Variants in SYN3 observed in about 807,000 individuals in gnomAD.
SYN3 encodes synapsin-3.
A neutral mutation model predicts 65.8 loss-of-function variants in SYN3; 35 were observed. That is an observed-to-expected ratio of 0.53 (90% CI 0.41 to 0.70). The LOEUF (loss-of-function observed/expected upper bound fraction) is 0.70. Ranked by LOEUF, SYN3 falls within the 30% of genes least tolerant of loss-of-function variation. SYN3 has a pLI of 0.00. For missense variants in SYN3, 680 were observed against 749.0 expected, an observed-to-expected ratio of 0.91 and a Z score of 1.08; for synonymous variants, 270 against 292.9, an observed-to-expected ratio of 0.92 and a Z score of 0.80.
At chr22:32,980,557 A>G in intron 3 of SYN3, 88 bp downstream of exon 3, 2 of 1,237,930 alleles carry the variant, frequency 1.6e-6, no homozygotes, top group South Asian at 1.2e-5. Flanking sequence ...TTATGACCAC[A>G]TAAGATGGGG....
intron 6 of SYN3, among the ~76,000 whole-genome samples, chr22:32,850,603 C>G (rs1417932929): frequency 1.3e-5 from 2 of 152,098 alleles, no homozygotes; most frequent in African/African-American, 4.8e-5. Context: ...GAACTAGAGT[C>G]AGGTTGGGAG....
chr22:32,802,477 G>C (rs1307293531), intron 6 of SYN3, among the ~76,000 whole-genome samples: 1 of 151,432 alleles, frequency 6.6e-6, no homozygotes, highest in Non-Finnish European at 1.5e-5. Context: ...CCAAAACTTG[G>C]AATGCTAACT....
intron 7 of SYN3, among the ~76,000 whole-genome samples, chr22:32,551,527 GAA>G (rs11398828): frequency 8.2e-5 from 12 of 146,234 alleles, no homozygotes; most frequent in Admixed American, 1.4e-4. Context: ...AAATGACAAG[GAA>G]AAAAAAAAAA....
intron 1 of SYN3, among the ~76,000 whole-genome samples, chr22:33,038,241 G>A (rs2053894663): frequency 6.6e-6 from 1 of 152,226 alleles, no homozygotes; most frequent in South Asian, 2.1e-4. Flanking sequence ...GCACGCCATA[G>A]GCAGAGGGAA....
chr22:32,533,202 T>C (rs2058106813), intron 10 of SYN3, among the ~76,000 whole-genome samples: 1 of 151,822 alleles, frequency 6.6e-6, no homozygotes, highest in African/African-American at 2.4e-5. Context: ...TCTGTTACCA[T>C]TCTGTTTCCC....
chr22:32,513,596 A>G lies in SYN3; in HGVS notation c.*96T>C. On this transcript the variant is annotated 3_prime_UTR_variant, in exon 14 of 14. Coordinates refer to ENST00000358763, the MANE Select transcript of SYN3 (RefSeq NM_003490.4). ...TAGAAAGTATGTTCTCAGGCCCTCCATTCTGTTCCCATCAGGAACCAAGGC... is the reference window on the plus strand; with the variant it reads ...TAGAAAGTATGTTCTCAGGCCCTCCGTTCTGTTCCCATCAGGAACCAAGGC... The G allele has an allele frequency of 6.7e-7, 1 of 1,499,174 alleles. No homozygotes were observed. The highest frequency in any genetic ancestry group is 9.1e-7 in the Non-Finnish European group (1 of 1,100,770). 92.9% of individuals were successfully genotyped at this position (1,499,174 alleles called of 1,614,324 possible).
chr22:33,019,564 C>T lies in SYN3; in HGVS notation c.-162-12740G>A, dbSNP rs185909239. 2.6e-5 allele frequency among the ~76,000 whole-genome samples: 4 copies of T among 152,316 alleles called. No homozygotes were observed. The East Asian group carries it at 7.7e-4, about 29-fold the overall frequency. ...ACACTGAATGAGATAACTGATGTGA[C>T]ACAGTGCAAGGCCTGACATGTCAGG... is the stretch of plus-strand genomic sequence containing the variant. On this transcript the variant is annotated intron_variant, in intron 1 of 13. Transcript: ENST00000358763.
intron 6 of SYN3, among the ~76,000 whole-genome samples, chr22:32,609,617 C>A (rs550022471): frequency 6.7e-6 from 1 of 150,266 alleles, no homozygotes; most frequent in South Asian, 2.1e-4. Context: ...ACTGGGACTA[C>A]AAGCGTGTGC....
At position 32,801,803 on chromosome 22, in the gene SYN3, T is replaced by TCGCCGCCCGCCGAGG; in HGVS notation, c.711+63111_711+63112insCCTCGGCGGGCGGCG. ...CTTCGCCGGGAGGCCGCCCGCCGAG[T>TCGCCGCCCGCCGAGG]CCTGCGCCAGCGCCGAGGCAGCCTC... is the stretch of plus-strand genomic sequence containing the variant. On this transcript the variant is annotated intron_variant, in intron 6 of 13. Transcript: ENST00000358763. The surrounding 1 kb of genome is among the most constrained non-coding windows in gnomAD (Gnocchi z 4.7). The TCGCCGCCCGCCGAGG allele has an allele frequency of 2.1e-6, 1 of 483,100 alleles. No homozygotes were observed. The highest frequency in any genetic ancestry group is 3.0e-6 in the Non-Finnish European group (1 of 335,912). The allele number at this position is 483,100 out of a possible 1,614,324, so 29.9% of individuals were successfully genotyped here.
At chr22:32,514,618 G>A (rs897441825) in intron 13 of SYN3, 10 of 152,276 alleles carry the variant, frequency 6.6e-5, no homozygotes, top group Non-Finnish European at 1.5e-4. Context: ...CCCTGCCTCA[G>A]GAGGCTCAGT....
At chr22:32,590,116 G>T (rs1039530718) in intron 7 of SYN3, among the ~76,000 whole-genome samples, 4 of 152,114 alleles carry the variant, frequency 2.6e-5, no homozygotes, top group Non-Finnish European at 1.5e-5. Flanking sequence ...CTAGAACTTT[G>T]CCCACTTCTG....
chr22:32,710,842 T>A (rs554881544), intron 6 of SYN3, among the ~76,000 whole-genome samples: 8 of 152,160 alleles, frequency 5.3e-5, no homozygotes, highest in African/African-American at 1.9e-4. Flanking sequence ...TTAAACCTCT[T>A]TTCTTTATAA....
intron 6 of SYN3, among the ~76,000 whole-genome samples, chr22:32,698,730 T>C (rs939259731): frequency 1.3e-5 from 2 of 152,210 alleles, no homozygotes; most frequent in Admixed American, 1.3e-4. Flanking sequence ...GAAATACACA[T>C]TGTTATTGAA....
chr22:32,711,098 GT>G lies in SYN3; in HGVS notation c.712-114363del, dbSNP rs201486068. 6.9e-3 allele frequency among the ~76,000 whole-genome samples: 1,048 copies of G among 152,290 alleles called. 15 individuals are homozygous for G. Among genetic ancestry groups the G allele is most frequent in the African/African-American group, 0.024 (1,006 of 41,542 alleles). On this transcript the variant is annotated intron_variant, in intron 6 of 13. Transcript: ENST00000358763. ...TTGTCCCTGTTTGCCCAAGACTGAGGTGGGTCTTTGGACATGGGAATTTCAG... is the reference window on the plus strand; with the variant it reads ...TTGTCCCTGTTTGCCCAAGACTGAGGGGGTCTTTGGACATGGGAATTTCAG...
chr22:32,713,042 TA>T (rs1247557603), intron 6 of SYN3, among the ~76,000 whole-genome samples: 1 of 152,186 alleles, frequency 6.6e-6, no homozygotes, highest in Non-Finnish European at 1.5e-5. Flanking sequence ...GGAGACACTG[TA>T]TTTTTTTTCC....
chr22:32,676,710 G>GT (rs130749), intron 6 of SYN3, among the ~76,000 whole-genome samples: 29,699 of 133,626 alleles, frequency 0.22, 5,089 homozygotes, highest in East Asian at 0.63. Flanking sequence ...TTAATTTTTT[G>GT]TTTTTTTTTT....
chr22:32,781,402 G>A (rs1454639797), intron 6 of SYN3, among the ~76,000 whole-genome samples: 2 of 152,100 alleles, frequency 1.3e-5, no homozygotes, highest in East Asian at 3.9e-4. Context: ...AGGGAGCAAG[G>A]CTATGTGGGT....
At chr22:33,027,779 G>A (rs1332021277) in intron 1 of SYN3, among the ~76,000 whole-genome samples, 3 of 152,212 alleles carry the variant, frequency 2.0e-5, no homozygotes, top group African/African-American at 7.2e-5. Context: ...CAAAAGCAGA[G>A]CTCACTTCAC....
At chr22:32,990,407 GCCATCCATCCATCCATCCATCCAT>G (rs133923) in intron 2 of SYN3, among the ~76,000 whole-genome samples, 1,988 of 144,724 alleles carry the variant, frequency 0.014, 57 homozygotes, top group African/African-American at 0.049. Context: ...CATCCATCCA[GCCATCCATCCATCCATCCATCCAT>G]CCATCCATCC....
Sources: gnomAD v4.1 joint callset for allele counts (sites outside exome capture counted in the v4.1 genomes callset) on GRCh38, gnomAD v4.1.1 for gene constraint, Gnocchi (gnomAD v3.1) non-coding constraint, MANE v1.5 for transcripts, NCBI Gene and HGNC (gene_info 2026-07-23, HGNC 2026-07-21) for gene names.